Variants in RSPO2 observed in about 807,000 individuals in gnomAD.
The protein encoded by RSPO2 is R-spondin 2.
In RSPO2, 14 loss-of-function variants were observed where a neutral mutation model predicts 30.9. The ratio of observed to expected loss-of-function variants is 0.45; its 90% confidence interval spans 0.30 to 0.71. RSPO2 has a LOEUF of 0.71. Ranked by LOEUF, RSPO2 falls within the 30% of genes least tolerant of loss-of-function variation. The probability of loss-of-function intolerance (pLI) is 0.08; values close to 1 mark genes in which losing one functional copy is unlikely to be tolerated. For synonymous variants in RSPO2, 107 were observed against 96.4 expected (o/e 1.11, Z -0.64); for missense variants, 264 against 301.9 (o/e 0.87, Z 0.93).
chr8:107,947,920 C>T (rs1231451335), intron 5 of RSPO2, among the ~76,000 whole-genome samples: 2 of 152,254 alleles, frequency 1.3e-5, no homozygotes, highest in African/African-American at 2.4e-5. Flanking sequence ...CCCTTGGGTG[C>T]ATGAGGCACA....
At chr8:107,984,833 A>G (rs1814570322) in intron 3 of RSPO2, among the ~76,000 whole-genome samples, 1 of 152,192 alleles carries the variant, frequency 6.6e-6, no homozygotes, top group Non-Finnish European at 1.5e-5. Context: ...GATGGTAGTT[A>G]TGCCAAAGGA....
At chr8:107,938,005 T>G (rs1812774552) in intron 5 of RSPO2, among the ~76,000 whole-genome samples, 1 of 152,044 alleles carries the variant, frequency 6.6e-6, no homozygotes, top group Admixed American at 6.6e-5. Flanking sequence ...ATAATATCCT[T>G]GAAATGAAAT....
intron 5 of RSPO2, among the ~76,000 whole-genome samples, chr8:107,953,339 C>T (rs893594819): frequency 1.3e-5 from 2 of 152,242 alleles, no homozygotes; most frequent in African/African-American, 2.4e-5. Flanking sequence ...CATTTCCCCC[C>T]ACTACCAACC....
intron 2 of RSPO2, among the ~76,000 whole-genome samples, chr8:108,015,286 C>A (rs1810848259): frequency 2.0e-5 from 3 of 152,166 alleles, no homozygotes. Flanking sequence ...TTCTCCTGAG[C>A]AGGTTATGTA....
At chr8:108,002,178 T>C (rs957370658) in intron 2 of RSPO2, among the ~76,000 whole-genome samples, 8 of 152,198 alleles carry the variant, frequency 5.3e-5, no homozygotes, top group African/African-American at 1.4e-4. Context: ...TGTGGAAATG[T>C]TGACAGACTG....
chr8:107,956,274 T>C (rs557329070), intron 5 of RSPO2, among the ~76,000 whole-genome samples: 1 of 152,356 alleles, frequency 6.6e-6, no homozygotes, highest in African/African-American at 2.4e-5. Context: ...TTATATAAAA[T>C]TGATTTTATT....
intron 5 of RSPO2, among the ~76,000 whole-genome samples, chr8:107,957,413 G>T (rs955920530): frequency 7.9e-5 from 12 of 152,132 alleles, no homozygotes; most frequent in African/African-American, 2.9e-4. Flanking sequence ...TTCTGCATCG[G>T]CCAGTCACCT....
chr8:108,003,311 A>ATTTTTTTT (rs869040336), intron 2 of RSPO2, among the ~76,000 whole-genome samples: 1 of 29,048 alleles, frequency 3.4e-5, no homozygotes, highest in East Asian at 1.5e-3. Context: ...ATATATATAT[A>ATTTTTTTT]TTTTTTTTTT....
rs548503394 is a variant in RSPO2, at chr8:107,950,222, TTTA to T, written c.616+7855_616+7857del. On this transcript the variant is annotated intron_variant, in intron 5 of 5. Coordinates refer to ENST00000276659, the MANE Select transcript of RSPO2 (RefSeq NM_178565.5). ...TGTGTACATGTACCATACATGTGTGTTTATTGTGTATAAACAGATACATACATA... is the reference window on the plus strand; with the variant it reads ...TGTGTACATGTACCATACATGTGTGTTTGTGTATAAACAGATACATACATA... Among the ~76,000 whole-genome samples, 415 of 152,332 alleles carry T rather than the reference TTTA, an allele frequency of 2.7e-3. 5 individuals are homozygous for T. The highest frequency in any genetic ancestry group is 0.023 in the Admixed American group (346 of 15,302).
chr8:107,916,518 T>C (rs1811988563), intron 5 of RSPO2, among the ~76,000 whole-genome samples: 1 of 152,184 alleles, frequency 6.6e-6, no homozygotes, highest in Non-Finnish European at 1.5e-5. Flanking sequence ...CAGTTTTACA[T>C]ACAAAGTGCA....
intron 2 of RSPO2, among the ~76,000 whole-genome samples, chr8:108,081,549 T>C (rs1481995922): frequency 1.3e-5 from 2 of 152,296 alleles, no homozygotes; most frequent in African/African-American, 4.8e-5. Flanking sequence ...GATGTGCGTG[T>C]GGTGAGTGGT....
At chr8:107,996,815 C>T (rs753604041) in intron 2 of RSPO2, 3 of 384,174 alleles carry the variant, frequency 7.8e-6, no homozygotes, top group Non-Finnish European at 1.5e-5. Context: ...ACAAACTGTG[C>T]CCTGCATTTT....
intron 5 of RSPO2, among the ~76,000 whole-genome samples, chr8:107,915,316 G>A (rs977068593): frequency 1.3e-5 from 2 of 152,094 alleles, no homozygotes; most frequent in Non-Finnish European, 2.9e-5. Context: ...CTATTTTGGG[G>A]TGTCTGGGTT....
chr8:107,932,216 G>A (rs1812574087), intron 5 of RSPO2, among the ~76,000 whole-genome samples: 1 of 152,170 alleles, frequency 6.6e-6, no homozygotes, highest in African/African-American at 2.4e-5. Context: ...AGAGAGGAAA[G>A]AGTAGAGCTG....
Position 107,900,858 on chromosome 8 carries a change from GGCT to G in RSPO2, c.*214_*216del. Reference sequence around the variant, plus strand: ...TCAGCACACACTGAGCCAAGTCACGGGCTGTGCACTTACTCCTGCCTTCACAGT... The same window carrying G: ...TCAGCACACACTGAGCCAAGTCACGGGTGCACTTACTCCTGCCTTCACAGT... On this transcript the variant is annotated 3_prime_UTR_variant, in exon 6 of 6. Transcript: ENST00000276659. 2 of 475,772 alleles carry G rather than the reference GGCT, an allele frequency of 4.2e-6. No homozygotes were observed. Among genetic ancestry groups the G allele is most frequent in the Non-Finnish European group, 7.4e-6 (2 of 270,256 alleles). The allele number at this position is 475,772 out of a possible 1,614,324, so 29.5% of individuals were successfully genotyped here. A position where few individuals can be genotyped will look rare whatever the true frequency, so the allele number is the denominator to read the frequency against.
chr8:107,967,242 A>T (rs1813836044), intron 3 of RSPO2, among the ~76,000 whole-genome samples: 1 of 152,236 alleles, frequency 6.6e-6, no homozygotes, highest in South Asian at 2.1e-4. Context: ...TCACATGGAA[A>T]GCACTAGACT....
rs575558090 is a variant in RSPO2, at chr8:107,922,742, A to G, written c.617-21552T>C. On this transcript the variant is annotated intron_variant, in intron 5 of 5. Coordinates refer to ENST00000276659, the MANE Select transcript of RSPO2 (RefSeq NM_178565.5). ...GCAAACAACATGGTACTGGTACAAA[A>G]ACATACATGGAAAAATGGAACAGAG... 2.2e-4 allele frequency among the ~76,000 whole-genome samples: 33 copies of G among 152,296 alleles called. No homozygotes were observed. In the South Asian group the frequency reaches 6.8e-3, roughly 32 times the overall value.
chr8:107,946,053 G>A (rs1222125750), intron 5 of RSPO2, among the ~76,000 whole-genome samples: 1 of 152,172 alleles, frequency 6.6e-6, no homozygotes, highest in African/African-American at 2.4e-5. Context: ...AAGTCTTTGA[G>A]TAGAGACAAT....
At chr8:107,952,318 T>C (rs951039393) in intron 5 of RSPO2, among the ~76,000 whole-genome samples, 5 of 150,592 alleles carry the variant, frequency 3.3e-5, no homozygotes, top group Non-Finnish European at 5.9e-5. Context: ...CACACACACA[T>C]ATTATGATTA....
Sources: gnomAD v4.1 joint callset for allele counts (sites outside exome capture counted in the v4.1 genomes callset) on GRCh38, gnomAD v4.1.1 for gene constraint, MANE v1.5 for transcripts, NCBI Gene and HGNC (gene_info 2026-07-23, HGNC 2026-07-21) for gene names.